COL5A2: variants seen among roughly 807,000 people sequenced by gnomAD.
COL5A2 encodes the protein collagen alpha-2(V) chain.
A neutral mutation model predicts 208.2 loss-of-function variants in COL5A2; 23 were observed. That is an observed-to-expected ratio of 0.11 (90% CI 0.08 to 0.16). COL5A2 has a LOEUF of 0.16. Ranked by LOEUF, COL5A2 falls within the 10% of genes least tolerant of loss-of-function variation. COL5A2 has a pLI of 1.00. For synonymous variants in COL5A2, 625 were observed against 628.5 expected, an observed-to-expected ratio of 0.99 and a Z score of 0.08; for missense variants, 1,590 against 1,956.4, an observed-to-expected ratio of 0.81 and a Z score of 3.53.
chr2:189,053,815 T>TATATAA (rs1685841738), intron 37 of COL5A2, 80 bp downstream of exon 37: 9 of 1,231,050 alleles, frequency 7.3e-6, no homozygotes, highest in Non-Finnish European at 1.1e-5. Flanking sequence ...AGCATTGTTT[T>TATATAA]ATATAAATAT....
chr2:189,054,133 G>A, intron 36 of COL5A2, 26 bp downstream of exon 36: 1 of 1,603,240 alleles, frequency 6.2e-7, no homozygotes. Context: ...AATTTTGAGT[G>A]TACAAATTAA....
intron 1 of COL5A2, among the ~76,000 whole-genome samples, chr2:189,127,004 C>T (rs1341481001): frequency 2.0e-5 from 3 of 151,940 alleles, no homozygotes; most frequent in Non-Finnish European, 4.4e-5. Flanking sequence ...AAGTGCAAAA[C>T]GATAAGCAAC....
intron 1 of COL5A2, among the ~76,000 whole-genome samples, chr2:189,174,955 C>T (rs1353207208): frequency 2.6e-5 from 4 of 152,110 alleles, no homozygotes; most frequent in African/African-American, 9.7e-5. Flanking sequence ...ATTTATGTGC[C>T]ATTCAGTCTT....
At chr2:189,352,429 T>G in the COL5A2 span, among the ~76,000 whole-genome samples, 1 of 152,196 alleles carries the variant, frequency 6.6e-6, no homozygotes, top group Non-Finnish European at 1.5e-5. Context: ...CAGTGTAAAA[T>G]CATACCAATT....
the COL5A2 span, among the ~76,000 whole-genome samples, chr2:189,272,626 G>A: frequency 6.6e-6 from 1 of 152,058 alleles, no homozygotes; most frequent in African/African-American, 2.4e-5. Flanking sequence ...AAACCTGCAT[G>A]TTCTGCACAT....
At chr2:189,344,605 T>C in the COL5A2 span, among the ~76,000 whole-genome samples, 3 of 152,164 alleles carry the variant, frequency 2.0e-5, no homozygotes, top group Non-Finnish European at 4.4e-5. Context: ...GTCAGGATGC[T>C]TCCTCTCTCC....
rs969848547 is a variant in COL5A2, at chr2:189,032,642, A to G, written c.*1428T>C. 2.6e-5 allele frequency: 4 copies of G among 152,238 alleles called. No individual in the cohort carries two copies. Among genetic ancestry groups the G allele is most frequent in the Non-Finnish European group, 5.9e-5 (4 of 67,994 alleles). 9.4% of individuals were successfully genotyped at this position (152,238 alleles called of 1,614,324 possible). A position where few individuals can be genotyped will look rare whatever the true frequency, so the allele number is the denominator to read the frequency against. On this transcript the variant is annotated 3_prime_UTR_variant, in exon 54 of 54. Coordinates refer to ENST00000374866, the MANE Select transcript of COL5A2 (RefSeq NM_000393.5). ...AAAGAAAAAAATTAAAATAGAGCCA[A>G]CAAATGCAATTAAGAAAAAAAAAGT... is the stretch of plus-strand genomic sequence containing the variant.
At chr2:189,134,213 T>C (rs1465762908) in intron 1 of COL5A2, among the ~76,000 whole-genome samples, 1 of 152,200 alleles carries the variant, frequency 6.6e-6, no homozygotes, top group Non-Finnish European at 1.5e-5. Flanking sequence ...GAGTTAGTTA[T>C]AATCTAAGCC....
At chr2:189,237,260 T>G in the COL5A2 span, among the ~76,000 whole-genome samples, 1 of 151,756 alleles carries the variant, frequency 6.6e-6, no homozygotes, top group East Asian at 1.9e-4. Flanking sequence ...ATGCTTTATT[T>G]GTTAGTATTT....
chr2:189,046,124 T>C (rs1576490928), intron 45 of COL5A2, among the ~76,000 whole-genome samples: 1 of 152,256 alleles, frequency 6.6e-6, no homozygotes, highest in East Asian at 1.9e-4. Flanking sequence ...TCTCATCCTT[T>C]CCCTCACCTA....
At chr2:189,291,485 T>C in the COL5A2 span, among the ~76,000 whole-genome samples, 1 of 152,162 alleles carries the variant, frequency 6.6e-6, no homozygotes, top group East Asian at 1.9e-4. Flanking sequence ...TACTCCCTTA[T>C]AGTTGAAATT....
At chr2:189,096,575 T>A (rs1686916530) in intron 6 of COL5A2, among the ~76,000 whole-genome samples, 1 of 131,266 alleles carries the variant, frequency 7.6e-6, no homozygotes, top group Admixed American at 8.9e-5. Flanking sequence ...TGAGCCGAGA[T>A]CACACCACTG....
At chr2:189,390,442 C>A in the COL5A2 span, among the ~76,000 whole-genome samples, 1 of 152,052 alleles carries the variant, frequency 6.6e-6, no homozygotes, top group East Asian at 1.9e-4. Context: ...GGCATACTCC[C>A]TAATAGAGAG....
the COL5A2 span, among the ~76,000 whole-genome samples, chr2:189,262,109 G>A: frequency 8.6e-5 from 13 of 152,026 alleles, no homozygotes; most frequent in South Asian, 1.7e-3. Flanking sequence ...AAATAATAAC[G>A]CTTGTCCAGT....
intron 1 of COL5A2, among the ~76,000 whole-genome samples, chr2:189,128,158 C>A (rs1433712168): frequency 2.0e-5 from 3 of 152,014 alleles, no homozygotes; most frequent in Non-Finnish European, 4.4e-5. Context: ...AGCTGGAAGG[C>A]TTTTGAAGCT....
intron 1 of COL5A2, among the ~76,000 whole-genome samples, chr2:189,166,377 C>T (rs1251295662): frequency 6.6e-6 from 1 of 151,814 alleles, no homozygotes; most frequent in East Asian, 1.9e-4. Flanking sequence ...ACATTATGGG[C>T]AGAGAACTAC....
intron 6 of COL5A2, among the ~76,000 whole-genome samples, chr2:189,096,382 A>C (rs1686909907): frequency 6.6e-6 from 1 of 151,988 alleles, no homozygotes; most frequent in Non-Finnish European, 1.5e-5. Flanking sequence ...GAAGTGATAC[A>C]TAAGAAAAAA....
chr2:189,071,144 A>G (rs1686265473), intron 18 of COL5A2, among the ~76,000 whole-genome samples: 1 of 152,212 alleles, frequency 6.6e-6, no homozygotes, highest in South Asian at 2.1e-4. Context: ...ATAAGGCCCT[A>G]TGTGATGAGT....
chr2:189,176,162 C>G (rs1441943840), intron 1 of COL5A2, among the ~76,000 whole-genome samples: 2 of 151,990 alleles, frequency 1.3e-5, no homozygotes, highest in Non-Finnish European at 2.9e-5. Context: ...ACTGTGAGCC[C>G]CTCATCTCTC....
Sources: allele counts gnomAD v4.1 joint callset (sites outside exome capture counted in the v4.1 genomes callset), GRCh38; gene constraint gnomAD v4.1.1; transcripts MANE v1.5; gene names NCBI Gene and HGNC (gene_info 2026-07-23, HGNC 2026-07-21).